PKD1L1: variants seen among roughly 807,000 people sequenced by gnomAD.
PKD1L1 encodes the protein polycystin 1 like 1, transient receptor potential channel interacting, also known as polycystin-1-like protein 1.
In PKD1L1, 236 loss-of-function variants were observed where a neutral mutation model predicts 323.4. That is an observed-to-expected ratio of 0.73 (90% confidence interval 0.66 to 0.81). The LOEUF (loss-of-function observed/expected upper bound fraction) is 0.81, where lower values mean the gene tolerates loss of function less well. PKD1L1 is among the 40% of genes least tolerant of loss of function. The probability of loss-of-function intolerance (pLI) is 0.00; values close to 1 mark genes in which losing one functional copy is unlikely to be tolerated. For missense variants in PKD1L1, 3,320 were observed against 3,508.0 expected, an observed-to-expected ratio of 0.95 and a Z score of 1.35; for synonymous variants, 1,344 against 1,335.0, an observed-to-expected ratio of 1.01 and a Z score of -0.15.
At chr7:47,892,858 G>A (rs995327686) in intron 15 of PKD1L1, among the ~76,000 whole-genome samples, 5 of 152,012 alleles carry the variant, frequency 3.3e-5, no homozygotes, top group African/African-American at 1.2e-4. Flanking sequence ...GGTAGGGGAG[G>A]TGGTGTGGAA....
chr7:47,831,955 T>A (rs1785356686), intron 41 of PKD1L1, among the ~76,000 whole-genome samples: 1 of 152,146 alleles, frequency 6.6e-6, no homozygotes, highest in Non-Finnish European at 1.5e-5. Context: ...CTGTGTGATT[T>A]CCCCAGGGCC....
Position 47,808,351 on chromosome 7 carries a change from CT to C in PKD1L1, c.7722del (p.Val2575PhefsTer50), listed in dbSNP as rs1166527589. On this transcript the variant is annotated frameshift_variant, in exon 52 of 57. Transcript: ENST00000289672. LOFTEE classifies it high-confidence loss of function. ...GCAAGAGTAACAAGGTGGCCGGAAA[CT>C]GCATAGTAGGTGAGGCTCACTCCAA... ...SVVGVSLTYY[A>X]VSGHLVTLAG... is the part of the protein sequence containing the mutation. 1.9e-6 allele frequency: 3 copies of C among 1,614,052 alleles called. No individual in the cohort carries two copies. The highest frequency in any genetic ancestry group is 2.7e-5 in the African/African-American group (2 of 74,920).
rs1452651135 is a variant in PKD1L1, at chr7:47,834,215, G to A, written c.6174+124C>T. The A allele has an allele frequency of 8.3e-6, 8 of 963,554 alleles. No homozygotes were observed. In the African/African-American group the frequency reaches 1.3e-4, roughly 16 times the overall value. 59.7% of individuals were successfully genotyped at this position (963,554 alleles called of 1,614,324 possible). ...AGGTCTTGCATTGATCTTTTCCTGT[G>A]TCCGTCTCACCTTGAGCCTGACCCA... On this transcript the variant is annotated intron_variant, in intron 40 of 56. Coordinates refer to ENST00000289672, the MANE Select transcript of PKD1L1 (RefSeq NM_138295.5).
chr7:47,789,115 A>T (rs1786881148), intron 56 of PKD1L1, among the ~76,000 whole-genome samples: 1 of 152,228 alleles, frequency 6.6e-6, no homozygotes, highest in Non-Finnish European at 1.5e-5. Context: ...TCATAAAAAC[A>T]CATTCGGAAG....
intron 19 of PKD1L1, among the ~76,000 whole-genome samples, chr7:47,882,860 T>C (rs1392956386): frequency 6.6e-6 from 1 of 152,018 alleles, no homozygotes; most frequent in African/African-American, 2.4e-5. Context: ...CCTCTGCCTG[T>C]CATGTGATGA....
chr7:47,805,866 G>T (rs919531075), intron 52 of PKD1L1, among the ~76,000 whole-genome samples: 13 of 152,186 alleles, frequency 8.5e-5, no homozygotes, highest in Non-Finnish European at 1.8e-4. Context: ...TTCATTAGAT[G>T]GTTGGATAGC....
chr7:47,842,697 C>A (rs898448689), intron 34 of PKD1L1, among the ~76,000 whole-genome samples: 2 of 152,164 alleles, frequency 1.3e-5, no homozygotes, highest in Non-Finnish European at 2.9e-5. Flanking sequence ...AGAGACAGAA[C>A]ATATCTCCCC....
intron 55 of PKD1L1, among the ~76,000 whole-genome samples, chr7:47,794,401 G>A (rs1787025315): frequency 6.6e-6 from 1 of 152,164 alleles, no homozygotes; most frequent in Admixed American, 6.5e-5. Flanking sequence ...GTACAACTTG[G>A]GCTGGGGCTT....
At chr7:47,864,249 T>A (rs1255265576) in intron 26 of PKD1L1, among the ~76,000 whole-genome samples, 4 of 152,104 alleles carry the variant, frequency 2.6e-5, no homozygotes, top group Admixed American at 1.3e-4. Context: ...GGGAGAAGCC[T>A]ATGCAGGGGC....
Position 47,792,656 on chromosome 7 carries a change from C to T in PKD1L1, c.8497G>A (p.Val2833Met), listed in dbSNP as rs148758554. Reference protein sequence around the residue: ...GEARTEESPLVDISSYQAAEP... With the variant: ...GEARTEESPLMDISSYQAAEP... ...GCAGCTTGGTAACTAGAAATGTCCA[C>T]TAAGGGACTCTCTTCTGTCCTTGCC... The change falls in exon 56 of 57, where the codon GTG (valine) becomes ATG (methionine). Residue 2833 changes from valine (V) to methionine (M), a missense_variant. Val to Met is a conservative substitution (Grantham distance 21). Transcript: ENST00000289672. 1.2e-5 allele frequency: 20 copies of T among 1,613,976 alleles called. No homozygotes were observed. In the African/African-American group the frequency reaches 2.4e-4, roughly 19 times the overall value.
intron 56 of PKD1L1, among the ~76,000 whole-genome samples, chr7:47,776,329 C>T (rs953032298): frequency 3.3e-5 from 5 of 152,142 alleles, no homozygotes; most frequent in Admixed American, 1.3e-4. Context: ...AGGAGGACAG[C>T]GTTATCCTGA....
chr7:47,902,532 G>C (rs1562981828), intron 12 of PKD1L1, 21 bp from the exon 13 acceptor site: 1 of 1,611,234 alleles, frequency 6.2e-7, no homozygotes, highest in Non-Finnish European at 8.5e-7. Context: ...GGAAAGCACA[G>C]AAATGAACAA....
chr7:47,915,434 G>T lies in PKD1L1; in HGVS notation c.1226C>A (p.Thr409Asn). The part of the protein sequence containing the change: ...LGYELISAFV[T>N]KGVYMLKAVI... ...TCTTTTTGCTTTTAAAAACATACTG[G>T]TGACAAAGGCAGAAATAAGCTCATA... The change falls in exon 8 of 57, where the codon ACC (threonine) becomes AAC (asparagine). Residue 409 changes from threonine (T) to asparagine (N), a missense_variant and splice_region_variant. Physicochemically the swap from Thr to Asn is moderately conservative, Grantham distance 65 (BLOSUM62 0). Coordinates refer to ENST00000289672, the MANE Select transcript of PKD1L1 (RefSeq NM_138295.5). The T allele has an allele frequency of 1.1e-6, 1 of 891,856 alleles. No individual in the cohort carries two copies. Among genetic ancestry groups the T allele is most frequent in the Non-Finnish European group, 1.9e-6 (1 of 519,934 alleles). 55.2% of individuals were successfully genotyped at this position (891,856 alleles called of 1,614,324 possible).
intron 24 of PKD1L1, among the ~76,000 whole-genome samples, chr7:47,872,285 C>T (rs1025551998): frequency 7.2e-5 from 11 of 152,134 alleles, no homozygotes; most frequent in African/African-American, 1.9e-4. Context: ...TTGCAGAAAT[C>T]GACAGGCTGA....
intron 55 of PKD1L1, chr7:47,795,271 G>T (rs1784493409): frequency 1.6e-5 from 7 of 440,540 alleles, no homozygotes; most frequent in South Asian, 1.1e-4. Flanking sequence ...TGAATCATAG[G>T]GGCTGGTCTT....
intron 26 of PKD1L1, among the ~76,000 whole-genome samples, chr7:47,863,298 G>A (rs1398244817): frequency 2.6e-5 from 4 of 152,132 alleles, no homozygotes; most frequent in African/African-American, 4.8e-5. Flanking sequence ...GTTTCGGCCC[G>A]TGTGGAAATG....
intron 56 of PKD1L1, among the ~76,000 whole-genome samples, chr7:47,779,104 G>A (rs568297279): frequency 1.3e-5 from 2 of 152,256 alleles, no homozygotes; most frequent in East Asian, 3.9e-4. Flanking sequence ...ACTGTGCCCT[G>A]CCCAGTGCCA....
chr7:47,786,499 AC>A (rs1786810380), intron 56 of PKD1L1, among the ~76,000 whole-genome samples: 1 of 152,144 alleles, frequency 6.6e-6, no homozygotes, highest in African/African-American at 2.4e-5. Flanking sequence ...AGTTATAAAA[AC>A]CATCTCACCT....
In PKD1L1 at chr7:47,905,316, A is replaced by G; in HGVS notation, c.1532T>C (p.Val511Ala). The change falls in exon 11 of 57, where the codon GTC becomes GCC. Residue 511 changes from valine to alanine, a missense_variant. Transcript: ENST00000289672. The part of the protein sequence containing the change: ...TVWYKMQSVS[V>A]YTNGTVFATD... ...GGCAAACACAGTTCCATTTGTGTAG[A>G]CAGAGACGGCTGTGGCAAAAGAAAG... The G allele has an allele frequency of 1.2e-6, 2 of 1,613,736 alleles. No homozygotes were observed. The highest frequency in any genetic ancestry group is 1.7e-6 in the Non-Finnish European group (2 of 1,179,896).
Sources: gnomAD v4.1 joint callset for allele counts (sites outside exome capture counted in the v4.1 genomes callset) on GRCh38, gnomAD v4.1.1 for gene constraint, MANE v1.5 for transcripts, NCBI Gene and HGNC (gene_info 2026-07-23, HGNC 2026-07-21) for gene names.